The following TCF7L2 variants were observed in gnomAD, a reference collection of about 807,000 sequenced individuals.
The protein encoded by TCF7L2 is transcription factor 7 like 2, also known as transcription factor 7-like 2.
In TCF7L2, 23 loss-of-function variants were observed where a neutral mutation model predicts 77.9. The ratio of observed to expected loss-of-function variants is 0.30; its 90% CI spans 0.21 to 0.42. The LOEUF (loss-of-function observed/expected upper bound fraction) is 0.42. Among genes scored for constraint, TCF7L2 ranks in the 10% least tolerant of loss-of-function variants. The probability of loss-of-function intolerance (pLI) is 1.00; values close to 1 mark genes in which losing one functional copy is unlikely to be tolerated. For synonymous variants in TCF7L2, 413 were observed against 340.2 expected, an observed-to-expected ratio of 1.21 and a Z score of -2.36; for missense variants, 654 against 793.1, an observed-to-expected ratio of 0.82 and a Z score of 2.11.
intron 4 of TCF7L2, among the ~76,000 whole-genome samples, chr10:113,026,181 C>T (rs1194770161): frequency 1.4e-5 from 2 of 143,592 alleles, no homozygotes; most frequent in Non-Finnish European, 3.0e-5. Flanking sequence ...GCCTGGCCTA[C>T]CCCCTGTCGC....
At chr10:113,118,158 C>G (rs916218410) in intron 5 of TCF7L2, among the ~76,000 whole-genome samples, 1 of 151,956 alleles carries the variant, frequency 6.6e-6, no homozygotes, top group Non-Finnish European at 1.5e-5. Context: ...GGGGAGAACC[C>G]TTGATGTTTT....
chr10:113,156,422 T>A (rs1223093979), intron 11 of TCF7L2, among the ~76,000 whole-genome samples: 1 of 152,250 alleles, frequency 6.6e-6, no homozygotes, highest in Non-Finnish European at 1.5e-5. Flanking sequence ...ACCTCAAGTT[T>A]CTTTCTGCCT....
At chr10:112,983,270 A>C (rs1589979600) in intron 4 of TCF7L2, among the ~76,000 whole-genome samples, 1 of 151,732 alleles carries the variant, frequency 6.6e-6, no homozygotes, top group African/African-American at 2.4e-5. Flanking sequence ...AGGAGATCGA[A>C]ACCATCCTGG....
At chr10:112,983,249 A>C (rs1035133555) in intron 4 of TCF7L2, among the ~76,000 whole-genome samples, 6 of 151,878 alleles carry the variant, frequency 4.0e-5, no homozygotes, top group South Asian at 2.1e-4. Context: ...AGGCGGGCAG[A>C]TCATGAGGTC....
intron 4 of TCF7L2, among the ~76,000 whole-genome samples, chr10:112,966,210 A>G (rs1047449540): frequency 9.2e-6 from 1 of 108,616 alleles, no homozygotes; most frequent in Non-Finnish European, 2.0e-5. Flanking sequence ...ATATATATAT[A>G]TTTTCTTTTC....
In TCF7L2 at chr10:113,127,422, A is replaced by G. The variant is rs2065831948; in HGVS notation, c.553-13762A>G. Among the ~76,000 whole-genome samples the G allele has an allele frequency of 2.6e-5, 4 of 152,168 alleles. No homozygotes were observed. The South Asian group carries it at 8.3e-4, about 32-fold the overall frequency. ...TCTTGAACCTCTTTATTTAAAACAA[A>G]ACAAAAGTTTGCTGATGCTGCAGAT... On this transcript the variant is annotated intron_variant, in intron 5 of 13. Coordinates refer to ENST00000627217, the MANE Select transcript of TCF7L2 (RefSeq NM_001146274.2).
At chr10:113,111,124 G>A (rs1286031227) in intron 5 of TCF7L2, among the ~76,000 whole-genome samples, 2 of 151,654 alleles carry the variant, frequency 1.3e-5, no homozygotes, top group Non-Finnish European at 2.9e-5. Flanking sequence ...TATTTTCCGG[G>A]GCATAGAATA....
intron 4 of TCF7L2, among the ~76,000 whole-genome samples, chr10:112,977,619 T>C (rs2039664400): frequency 6.6e-6 from 1 of 152,206 alleles, no homozygotes; most frequent in African/African-American, 2.4e-5. Flanking sequence ...ATAAACCCAA[T>C]TATGGGGCAG....
At chr10:113,092,391 C>T (rs1410934819) in intron 5 of TCF7L2, among the ~76,000 whole-genome samples, 1 of 152,192 alleles carries the variant, frequency 6.6e-6, no homozygotes, top group African/African-American at 2.4e-5. Flanking sequence ...CACATACAGG[C>T]TGTATGTAAA....
chr10:113,103,949 G>A (rs971582403), intron 5 of TCF7L2, among the ~76,000 whole-genome samples: 5 of 152,188 alleles, frequency 3.3e-5, no homozygotes, highest in Admixed American at 2.6e-4. Flanking sequence ...TGGTTTCTTA[G>A]CACTGTGCTC....
intron 11 of TCF7L2, among the ~76,000 whole-genome samples, chr10:113,157,489 A>G (rs1156669214): frequency 1.3e-5 from 2 of 152,196 alleles, no homozygotes; most frequent in African/African-American, 4.8e-5. Context: ...CATCTTTAAC[A>G]GCAAACTCTA....
At chr10:113,159,875 C>G (rs1427951209) in intron 12 of TCF7L2, 45 bp from the exon 14 acceptor site, 1 of 848,616 alleles carries the variant, frequency 1.2e-6, no homozygotes, top group Admixed American at 2.2e-5. Context: ...CTCCCTTTCT[C>G]CCACGTTCTC....
At chr10:112,978,610 G>A (rs935995994) in intron 4 of TCF7L2, among the ~76,000 whole-genome samples, 4 of 150,418 alleles carry the variant, frequency 2.7e-5, no homozygotes, top group African/African-American at 9.8e-5. Context: ...GGGACTACAG[G>A]CACCTGCCAC....
At chr10:112,957,633 G>A (rs569220011) in intron 3 of TCF7L2, among the ~76,000 whole-genome samples, 7 of 152,286 alleles carry the variant, frequency 4.6e-5, no homozygotes, top group African/African-American at 1.7e-4. Flanking sequence ...TTATGGAGGG[G>A]CGTGGGAGTA....
Position 112,966,207 on chromosome 10 carries a change from TA to T in TCF7L2, c.450+1584del, listed in dbSNP as rs1564722069. 2.5e-3 allele frequency among the ~76,000 whole-genome samples: 347 copies of T among 140,784 alleles called. 6 individuals carry two copies. The highest frequency in any genetic ancestry group is 4.0e-3 in the Non-Finnish European group (263 of 66,334). 92.4% of individuals were successfully genotyped at this position (140,784 alleles called of 152,430 possible). A position where few individuals can be genotyped will look rare whatever the true frequency, so the allele number is the denominator to read the frequency against. On this transcript the variant is annotated intron_variant, in intron 4 of 13. Transcript: ENST00000627217. The stretch of plus-strand genomic sequence containing the variant: ...ATTTATATATATATATATATATATA[TA>T]TATTTTCTTTTCTTGATTACTTCTG...
intron 4 of TCF7L2, among the ~76,000 whole-genome samples, chr10:113,011,071 C>T (rs2046372451): frequency 6.6e-6 from 1 of 152,134 alleles, no homozygotes; most frequent in Admixed American, 6.5e-5. Context: ...TATCTGCCTG[C>T]AGAGTTGGTG....
At chr10:113,067,995 C>G (rs891055768) in intron 5 of TCF7L2, among the ~76,000 whole-genome samples, 4 of 152,126 alleles carry the variant, frequency 2.6e-5, no homozygotes, top group African/African-American at 9.7e-5. Context: ...CTTTAAAAAA[C>G]CTCTTTACCT....
At chr10:112,972,187 G>A (rs1414582371) in intron 4 of TCF7L2, among the ~76,000 whole-genome samples, 1 of 152,132 alleles carries the variant, frequency 6.6e-6, no homozygotes, top group Non-Finnish European at 1.5e-5. Context: ...AAAAGTGAGG[G>A]CTGGCTAAGT....
intron 4 of TCF7L2, among the ~76,000 whole-genome samples, chr10:112,990,509 C>T (rs1209955108): frequency 6.6e-6 from 1 of 151,776 alleles, no homozygotes; most frequent in Non-Finnish European, 1.5e-5. Flanking sequence ...AAATTCGAGA[C>T]CAGCCTAGAC....
Sources: gnomAD v4.1 joint callset for allele counts (sites outside exome capture counted in the v4.1 genomes callset) on GRCh38, gnomAD v4.1.1 for gene constraint, MANE v1.5 for transcripts, NCBI Gene and HGNC (gene_info 2026-07-23, HGNC 2026-07-21) for gene names.